Variants in MALRD1 observed in about 807,000 individuals in gnomAD.
The protein encoded by MALRD1 is MAM and LDL-receptor class A domain-containing protein 1.
A neutral mutation model predicts 242.1 loss-of-function variants in MALRD1; 247 were observed. The observed-to-expected ratio is 1.02, with a 90% CI of 0.92 to 1.13. The LOEUF is 1.13. Ranked by LOEUF, MALRD1 falls within the 50% of genes most tolerant of loss-of-function variation. The pLI, the probability that MALRD1 is intolerant of heterozygous loss-of-function variation, is 0.00. For missense variants in MALRD1, 2,989 were observed against 2,533.1 expected, an observed-to-expected ratio of 1.18 and a Z score of -3.86; for synonymous variants, 995 against 866.6, an observed-to-expected ratio of 1.15 and a Z score of -2.60.
intron 4 of MALRD1, among the ~76,000 whole-genome samples, chr10:19,101,295 CAT>C (rs1424494920): frequency 3.4e-5 from 5 of 145,306 alleles, no homozygotes; most frequent in African/African-American, 1.3e-4. Context: ...AAATATATAA[CAT>C]ATATCTATAT....
At chr10:19,537,162 C>T (rs1834723753) in intron 32 of MALRD1, among the ~76,000 whole-genome samples, 1 of 152,080 alleles carries the variant, frequency 6.6e-6, no homozygotes, top group Non-Finnish European at 1.5e-5. Context: ...TAAGGAGACT[C>T]AGTTTTATTC....
chr10:19,322,945 A>G (rs1842962869), intron 21 of MALRD1, among the ~76,000 whole-genome samples: 1 of 152,202 alleles, frequency 6.6e-6, no homozygotes, highest in Non-Finnish European at 1.5e-5. Context: ...TTATGCTTCA[A>G]AAAGCTGTAT....
intron 18 of MALRD1, among the ~76,000 whole-genome samples, chr10:19,256,924 T>C (rs1839539107): frequency 6.6e-6 from 1 of 152,156 alleles, no homozygotes; most frequent in Non-Finnish European, 1.5e-5. Context: ...TATTATTAAA[T>C]TATGCTGGGA....
chr10:19,576,964 G>A (rs986351586), intron 33 of MALRD1, among the ~76,000 whole-genome samples: 3 of 123,414 alleles, frequency 2.4e-5, no homozygotes, highest in African/African-American at 6.1e-5. Context: ...CCACATTGTC[G>A]TTTTTTTTTT....
chr10:19,280,340 A>C (rs1840744711), intron 20 of MALRD1, 117 bp downstream of exon 20: 6 of 698,968 alleles, frequency 8.6e-6, no homozygotes, highest in Non-Finnish European at 1.0e-5. Flanking sequence ...AGTTAGAGCA[A>C]CTTCTAAATG....
At chr10:19,289,020 AG>A (rs1194130198) in intron 21 of MALRD1, among the ~76,000 whole-genome samples, 1 of 151,946 alleles carries the variant, frequency 6.6e-6, no homozygotes, top group Admixed American at 6.6e-5. Flanking sequence ...AGATGGCTCC[AG>A]TTTTTTATTT....
At chr10:19,323,860 C>T (rs2130895208) in intron 21 of MALRD1, 89 bp from the exon 22 acceptor site, 1 of 1,260,606 alleles carries the variant, frequency 7.9e-7, no homozygotes, top group East Asian at 2.6e-5. Flanking sequence ...ATCCACCTGC[C>T]TCAGCCTCCC....
intron 33 of MALRD1, among the ~76,000 whole-genome samples, chr10:19,575,988 A>G (rs1266809605): frequency 6.6e-6 from 1 of 152,238 alleles, no homozygotes; most frequent in East Asian, 1.9e-4. Flanking sequence ...CCCAAAGAAT[A>G]TGTTATTGCA....
At chr10:19,589,374 G>A (rs1837631373) in intron 33 of MALRD1, among the ~76,000 whole-genome samples, 1 of 152,156 alleles carries the variant, frequency 6.6e-6, no homozygotes, top group South Asian at 2.1e-4. Flanking sequence ...GCATGCAAGT[G>A]AATGAGAGTA....
chr10:19,379,477 G>A (rs940845140), intron 26 of MALRD1, among the ~76,000 whole-genome samples: 6 of 152,052 alleles, frequency 3.9e-5, no homozygotes, highest in East Asian at 1.9e-4. Flanking sequence ...CATAAATTTT[G>A]ATATGCTGAG....
chr10:19,048,232 A>G (rs1449045772), upstream of MALRD1, among the ~76,000 whole-genome samples: 1 of 152,194 alleles, frequency 6.6e-6, no homozygotes, highest in Admixed American at 6.5e-5. Flanking sequence ...TCTCACATAT[A>G]TCTCATAACT....
At chr10:19,332,100 A>G (rs1047495151) in intron 24 of MALRD1, among the ~76,000 whole-genome samples, 1 of 151,446 alleles carries the variant, frequency 6.6e-6, no homozygotes, top group Non-Finnish European at 1.5e-5. Flanking sequence ...TCTGGACCTC[A>G]TGATCTGCCT....
intron 34 of MALRD1, among the ~76,000 whole-genome samples, chr10:19,595,958 C>T (rs73595853): frequency 2.0e-3 from 310 of 152,260 alleles, no homozygotes; most frequent in African/African-American, 7.2e-3. Flanking sequence ...TGGGATAATG[C>T]ATCCTAGAGA....
At chr10:19,629,005 C>T (rs1015404282) in intron 36 of MALRD1, among the ~76,000 whole-genome samples, 1 of 152,142 alleles carries the variant, frequency 6.6e-6, no homozygotes, top group Admixed American at 6.5e-5. Flanking sequence ...TCTCGCCCAG[C>T]TCACCAAGCC....
intron 22 of MALRD1, 100 bp from the exon 23 acceptor site, chr10:19,327,463 A>C: frequency 2.5e-6 from 2 of 807,354 alleles, no homozygotes; most frequent in Non-Finnish European, 3.9e-6. Context: ...TCATGTTGAT[A>C]TTGCAACTAA....
intron 36 of MALRD1, among the ~76,000 whole-genome samples, chr10:19,623,753 G>A (rs797003976): frequency 7.2e-5 from 11 of 152,196 alleles, no homozygotes; most frequent in African/African-American, 2.6e-4. Context: ...TGGGCTCTCA[G>A]TAGGTTGCAT....
chr10:19,207,827 G>T (rs1454404029), intron 17 of MALRD1, among the ~76,000 whole-genome samples: 1 of 152,048 alleles, frequency 6.6e-6, no homozygotes, highest in South Asian at 2.1e-4. Context: ...TATAAATTAG[G>T]CATTGTAAGA....
At chr10:19,376,890 C>G (rs938833828) in intron 26 of MALRD1, among the ~76,000 whole-genome samples, 1 of 151,962 alleles carries the variant, frequency 6.6e-6, no homozygotes, top group Admixed American at 6.6e-5. Flanking sequence ...CAAGGAACTC[C>G]CTCTTTTGTA....
intron 21 of MALRD1, among the ~76,000 whole-genome samples, chr10:19,309,500 A>G (rs1385806715): frequency 6.6e-6 from 1 of 151,468 alleles, no homozygotes; most frequent in African/African-American, 2.4e-5. Flanking sequence ...AAGGTACTAT[A>G]CTGAACAGGC....
Sources: gnomAD v4.1 joint callset for allele counts (sites outside exome capture counted in the v4.1 genomes callset) on GRCh38, gnomAD v4.1.1 for gene constraint, MANE v1.5 for transcripts, NCBI Gene and HGNC (gene_info 2026-07-23, HGNC 2026-07-21) for gene names.